The following NTRK3 variants were observed in gnomAD, a reference collection of about 807,000 sequenced individuals.
NTRK3 encodes the protein NT-3 growth factor receptor.
Under a neutral mutation model 91.7 loss-of-function variants are expected in NTRK3, and 24 were observed. That is an observed-to-expected ratio of 0.26 (90% confidence interval 0.19 to 0.37). The LOEUF (loss-of-function observed/expected upper bound fraction) is 0.37, where lower values mean the gene tolerates loss of function less well. NTRK3 is among the 10% of genes least tolerant of loss of function. The probability of loss-of-function intolerance (pLI) is 1.00; values close to 1 mark genes in which losing one functional copy is unlikely to be tolerated. For missense variants in NTRK3, 880 were observed against 1,068.9 expected (o/e 0.82, Z 2.46); for synonymous variants, 483 against 404.0 (o/e 1.20, Z -2.34).
intron 13 of NTRK3, among the ~76,000 whole-genome samples, chr15:88,085,406 C>T (rs2048406689): frequency 6.6e-6 from 1 of 152,166 alleles, no homozygotes; most frequent in African/African-American, 2.4e-5. Context: ...TTAAGAGGTA[C>T]AGACTGTTTC....
chr15:88,026,064 G>A (rs28517543), intron 14 of NTRK3, among the ~76,000 whole-genome samples: 29,263 of 152,072 alleles, frequency 0.19, 3,973 homozygotes, highest in African/African-American at 0.38. Flanking sequence ...TAGGTCCAGA[G>A]ATTGAGACCA....
chr15:88,072,193 A>G (rs376380853), intron 13 of NTRK3, among the ~76,000 whole-genome samples: 1 of 151,780 alleles, frequency 6.6e-6, no homozygotes, highest in African/African-American at 2.4e-5. Context: ...TTCAGTAGAG[A>G]TGGGGTTTCA....
At chr15:87,920,285 C>G (rs1288869087) in intron 17 of NTRK3, among the ~76,000 whole-genome samples, 3 of 152,162 alleles carry the variant, frequency 2.0e-5, no homozygotes, top group Non-Finnish European at 4.4e-5. Flanking sequence ...GTGTTCATTC[C>G]CTCAGCAGCT....
intron 3 of NTRK3, among the ~76,000 whole-genome samples, chr15:88,204,459 C>G (rs1171461088): frequency 2.0e-5 from 3 of 152,168 alleles, no homozygotes; most frequent in African/African-American, 7.2e-5. Flanking sequence ...TTGATCACTT[C>G]TACTCCTACA....
chr15:88,199,091 C>T (rs2048071895), intron 3 of NTRK3, among the ~76,000 whole-genome samples: 1 of 152,150 alleles, frequency 6.6e-6, no homozygotes, highest in Non-Finnish European at 1.5e-5. Context: ...TCCTTAGTTC[C>T]TGGATCCAGG....
At chr15:87,939,451 C>T (rs2069600058) in intron 15 of NTRK3, among the ~76,000 whole-genome samples, 1 of 152,208 alleles carries the variant, frequency 6.6e-6, no homozygotes, top group Non-Finnish European at 1.5e-5. Flanking sequence ...CTGGGATTTG[C>T]ACCCAGGCTC....
intron 14 of NTRK3, among the ~76,000 whole-genome samples, chr15:87,954,295 A>T (rs1002189124): frequency 3.3e-5 from 5 of 152,170 alleles, no homozygotes; most frequent in Non-Finnish European, 4.4e-5. Context: ...TACCCTAGAA[A>T]CTAGCCCTTT....
At chr15:88,050,357 G>A (rs1267163426) in intron 13 of NTRK3, among the ~76,000 whole-genome samples, 1 of 152,080 alleles carries the variant, frequency 6.6e-6, no homozygotes, top group African/African-American at 2.4e-5. Flanking sequence ...GACTTCTAAT[G>A]GGCCTAGGTA....
chr15:88,102,018 T>C, intron 13 of NTRK3, among the ~76,000 whole-genome samples: 1 of 151,670 alleles, frequency 6.6e-6, no homozygotes, highest in Non-Finnish European at 1.5e-5. Flanking sequence ...AGTATAATAA[T>C]AATAAAATAA....
At chr15:87,860,887 A>G (rs1456499723) in exon 19 of NTRK3, 1 of 221,450 alleles carries the variant, frequency 4.5e-6, no homozygotes, top group Admixed American at 5.8e-5. Context: ...AGGGCATAAG[A>G]TCCAGTTGAA....
At chr15:87,980,819 T>C (rs1352285377) in intron 14 of NTRK3, among the ~76,000 whole-genome samples, 1 of 152,126 alleles carries the variant, frequency 6.6e-6, no homozygotes, top group Non-Finnish European at 1.5e-5. Context: ...TCCTTGCCTA[T>C]GACATCATGT....
chr15:87,965,593 G>A (rs1260576976), intron 14 of NTRK3, among the ~76,000 whole-genome samples: 2 of 152,302 alleles, frequency 1.3e-5, no homozygotes, highest in African/African-American at 2.4e-5. Context: ...ACCTCAGGCA[G>A]CCCGAGGTCA....
intron 17 of NTRK3, among the ~76,000 whole-genome samples, chr15:87,915,108 ATGG>A (rs368848497): frequency 2.0e-5 from 3 of 151,944 alleles, no homozygotes; most frequent in African/African-American, 4.8e-5. Flanking sequence ...GGGGGTGGTG[ATGG>A]TGGTGGTGGT....
chr15:87,870,559 G>A, exon 19 of NTRK3: 1 of 207,652 alleles, frequency 4.8e-6, no homozygotes, highest in Non-Finnish European at 9.8e-6. Flanking sequence ...AACACTACCT[G>A]TTCCCCAATA....
chr15:88,147,573 T>C (rs1010055502), intron 5 of NTRK3, among the ~76,000 whole-genome samples, 170 bp from the exon 6 acceptor site: 5 of 151,920 alleles, frequency 3.3e-5, no homozygotes, highest in African/African-American at 9.7e-5. Flanking sequence ...AGGCTAGCGA[T>C]ACATCTGCTA....
chr15:87,965,204 G>A (rs2072675449), intron 14 of NTRK3, among the ~76,000 whole-genome samples: 1 of 152,140 alleles, frequency 6.6e-6, no homozygotes, highest in Non-Finnish European at 1.5e-5. Flanking sequence ...ATGGGATGGT[G>A]GATAATTTAT....
chr15:88,234,830 C>G lies in NTRK3; in HGVS notation c.248+21076G>C, dbSNP rs571520165. On this transcript the variant is annotated intron_variant, in intron 3 of 18. Coordinates refer to ENST00000394480, the Ensembl canonical transcript of NTRK3. The surrounding 1 kb of genome is among the most constrained non-coding windows in gnomAD (Gnocchi z 6.1). ...CCTGCATGACCCTGCTTGATCTAGT[C>G]CCTGCAGACCTCTCCAACCTCCCAC... Among the ~76,000 whole-genome samples, 1 of 152,278 alleles carries G rather than the reference C, an allele frequency of 6.6e-6. No individual in the cohort carries two copies. The highest frequency in any genetic ancestry group is 1.9e-4 in the East Asian group (1 of 5,174).
intron 3 of NTRK3, among the ~76,000 whole-genome samples, chr15:88,247,614 G>A (rs1051742032): frequency 4.6e-5 from 7 of 152,188 alleles, no homozygotes; most frequent in African/African-American, 1.4e-4. Context: ...TGACCCTACG[G>A]GGGTGCCGGG....
chr15:88,134,479 G>A (rs2041684088), intron 10 of NTRK3, among the ~76,000 whole-genome samples: 1 of 152,182 alleles, frequency 6.6e-6, no homozygotes, highest in Admixed American at 6.5e-5. Context: ...ACCCACAGTA[G>A]CTCACCATGG....
Sources: gnomAD v4.1 joint callset for allele counts (sites outside exome capture counted in the v4.1 genomes callset) on GRCh38, gnomAD v4.1.1 for gene constraint, Gnocchi (gnomAD v3.1) non-coding constraint, MANE v1.5 for transcripts, NCBI Gene and HGNC (gene_info 2026-07-23, HGNC 2026-07-21) for gene names.